The following UBP1 variants were observed in gnomAD, a reference collection of about 807,000 sequenced individuals.
UBP1 encodes the protein upstream binding protein 1, also known as upstream-binding protein 1.
In UBP1, 22 loss-of-function variants were observed where a neutral mutation model predicts 76.1. That is an observed-to-expected ratio of 0.29 (90% CI 0.21 to 0.41). UBP1 has a LOEUF of 0.41. Among genes scored for constraint, UBP1 ranks in the 10% least tolerant of loss-of-function variants. The probability of loss-of-function intolerance (pLI) is 1.00; values close to 1 mark genes in which losing one functional copy is unlikely to be tolerated. For synonymous variants in UBP1, 224 were observed against 237.1 expected (o/e 0.94, Z 0.51); for missense variants, 436 against 668.1 (o/e 0.65, Z 3.83).
intron 2 of UBP1, among the ~76,000 whole-genome samples, chr3:33,423,567 A>C (rs1387835856): frequency 6.6e-6 from 1 of 152,188 alleles, no homozygotes; most frequent in East Asian, 1.9e-4. Context: ...CCTGAGAAAG[A>C]GGCACAAGGG....
chr3:33,437,036 C>T (rs2045215171), intron 1 of UBP1, among the ~76,000 whole-genome samples: 1 of 152,100 alleles, frequency 6.6e-6, no homozygotes. Flanking sequence ...TGCTGCAGTT[C>T]ACATCTCACA....
chr3:33,425,185 G>T (rs1463284725), intron 2 of UBP1, among the ~76,000 whole-genome samples: 1 of 152,134 alleles, frequency 6.6e-6, no homozygotes. Flanking sequence ...TTTAGCCACA[G>T]ACTCCATCCT....
At chr3:33,417,945 T>C (rs1268302776) in intron 2 of UBP1, among the ~76,000 whole-genome samples, 2 of 152,150 alleles carry the variant, frequency 1.3e-5, no homozygotes, top group African/African-American at 4.8e-5. Context: ...ACAGCATATA[T>C]ATAGTCTGTT....
At chr3:33,420,836 T>A (rs1046230993) in intron 2 of UBP1, among the ~76,000 whole-genome samples, 7 of 152,156 alleles carry the variant, frequency 4.6e-5, no homozygotes, top group African/African-American at 1.7e-4. Flanking sequence ...TTGGCCAGGC[T>A]GTTATCGAAC....
At chr3:33,411,532 GACCTAAA>G in intron 5 of UBP1, 42 bp downstream of exon 5, 2 of 1,491,038 alleles carry the variant, frequency 1.3e-6, no homozygotes, top group South Asian at 2.3e-5. Context: ...ATCCTACCAT[GACCTAAA>G]TAACTAGGTT....
intron 8 of UBP1, among the ~76,000 whole-genome samples, chr3:33,405,954 T>C (rs4678958): frequency 0.49 from 75,105 of 151,942 alleles, 22,568 homozygotes; most frequent in East Asian, 0.84. Flanking sequence ...ATTATGTATC[T>C]CCTTAAAAAA....
intron 8 of UBP1, among the ~76,000 whole-genome samples, chr3:33,405,919 C>T (rs1167734358): frequency 2.0e-5 from 3 of 152,088 alleles, no homozygotes; most frequent in Non-Finnish European, 4.4e-5. Context: ...GCAATGGATA[C>T]ATGGAAAATA....
intron 13 of UBP1, among the ~76,000 whole-genome samples, chr3:33,395,750 GAAAAAAAAAA>G (rs61654235): frequency 8.6e-5 from 6 of 69,778 alleles, no homozygotes; most frequent in African/African-American, 1.9e-4. Flanking sequence ...CAGGAAAATT[GAAAAAAAAAA>G]AAAAAAAAAA....
At chr3:33,418,403 C>T (rs1308083920) in intron 2 of UBP1, among the ~76,000 whole-genome samples, 1 of 151,918 alleles carries the variant, frequency 6.6e-6, no homozygotes, top group African/African-American at 2.4e-5. Context: ...TACAGGTGCC[C>T]GCCACCACGC....
At chr3:33,403,584 G>GTCTGTCTATCTATCTATCTATCTA (rs60697427) in intron 8 of UBP1, 1 of 148,878 alleles carries the variant, frequency 6.7e-6, no homozygotes, top group African/African-American at 2.5e-5. Flanking sequence ...CTGTCTGTCT[G>GTCTGTCTATCTATCTATCTATCTA]TCTATCTATC....
chr3:33,394,842 A>G (rs2043912433), intron 13 of UBP1, among the ~76,000 whole-genome samples: 2 of 148,130 alleles, frequency 1.4e-5, no homozygotes, highest in South Asian at 4.2e-4. Context: ...TTTTTTAAAT[A>G]AAGTTTTACT....
Position 33,400,216 on chromosome 3 carries a change from A to G in UBP1, c.1153T>C (p.Tyr385His), listed in dbSNP as rs1434173916. The G allele has an allele frequency of 7.5e-6, 12 of 1,602,978 alleles. No homozygotes were observed. Among genetic ancestry groups the G allele is most frequent in the Non-Finnish European group, 1.0e-5 (12 of 1,176,474 alleles). ...GAAAAATTAGAGAACAGTCTTGTGT[A>G]GGAAGAGAATCTGTTTTTGAGCAGC... Reference protein sequence around the residue: ...QWLLKNRFSSYTRLFSNFSGA... With the variant: ...QWLLKNRFSSHTRLFSNFSGA... The change falls in exon 11 of 16, where the codon TAC (tyrosine) becomes CAC (histidine). Residue 385 changes from tyrosine (Y) to histidine (H), a missense_variant. By Grantham distance (83) the Tyr-to-His change is moderately conservative. Around this residue, in one of 3 missense-constraint regions of UBP1, gnomAD observed 210 missense variants for 272.8 expected, o/e 0.77. Transcript: ENST00000283629.
intron 13 of UBP1, among the ~76,000 whole-genome samples, chr3:33,394,602 G>A (rs1263512554): frequency 2.0e-5 from 3 of 152,092 alleles, no homozygotes; most frequent in Admixed American, 6.6e-5. Flanking sequence ...ACTCTTGTAC[G>A]TCCTGCTCAA....
intron 2 of UBP1, among the ~76,000 whole-genome samples, chr3:33,420,652 C>G (rs1157089724): frequency 6.6e-6 from 1 of 152,162 alleles, no homozygotes; most frequent in East Asian, 1.9e-4. Context: ...GTACGCCCAG[C>G]TAATTTTTGT....
At chr3:33,439,034 A>G (rs2045244892) in intron 1 of UBP1, among the ~76,000 whole-genome samples, 1 of 152,246 alleles carries the variant, frequency 6.6e-6, no homozygotes, top group Non-Finnish European at 1.5e-5. Context: ...TAAAGGGCGG[A>G]GACTAAGCTC....
intron 2 of UBP1, among the ~76,000 whole-genome samples, chr3:33,421,944 T>G (rs2044906235): frequency 6.6e-6 from 1 of 152,138 alleles, no homozygotes; most frequent in Admixed American, 6.5e-5. Context: ...CTCCAGAGGC[T>G]GAGGCAGGAG....
intron 1 of UBP1, among the ~76,000 whole-genome samples, chr3:33,431,547 C>A (rs1171629723): frequency 6.6e-6 from 1 of 151,850 alleles, no homozygotes; most frequent in Non-Finnish European, 1.5e-5. Context: ...ACCAGCCTAT[C>A]CAATATGGTG....
chr3:33,428,214 AC>A (rs1347891248), intron 1 of UBP1, among the ~76,000 whole-genome samples: 3 of 149,928 alleles, frequency 2.0e-5, no homozygotes, highest in Non-Finnish European at 3.0e-5. Flanking sequence ...GAATCAGATC[AC>A]CTCTTTATAA....
In UBP1 at chr3:33,409,539, A is replaced by G. The variant is rs1235631328; in HGVS notation, c.618T>C (p.Phe206=). The change falls in exon 6 of 16, where the codon TTT becomes TTC. Residue 206 remains phenylalanine, a synonymous_variant. Transcript: ENST00000283629. The stretch of plus-strand genomic sequence containing the variant: ...GCTTAAAGGTGTCAACCTGGATCCT[A>G]AAGGGCACTCCCTTTTCACCTCCGT... ...RKHGGEKGVP[F]RIQVDTFKQN... 1 of 1,614,142 alleles carries G rather than the reference A, an allele frequency of 6.2e-7. No individual in the cohort carries two copies. Among genetic ancestry groups the G allele is most frequent in the Non-Finnish European group, 8.5e-7 (1 of 1,180,020 alleles).
Sources: allele counts gnomAD v4.1 joint callset (sites outside exome capture counted in the v4.1 genomes callset), GRCh38; gene constraint gnomAD v4.1.1; regional missense constraint gnomAD v4.1.1; transcripts MANE v1.5; gene names NCBI Gene and HGNC (gene_info 2026-07-23, HGNC 2026-07-21).